Variants in YIF1B observed in about 807,000 individuals in gnomAD.
The protein encoded by YIF1B is Yip1 interacting factor homolog B, membrane trafficking protein, also known as protein YIF1B.
YIF1B carries 24 observed loss-of-function variants against 34.6 expected under a neutral mutation model. The observed-to-expected ratio is 0.69, with a 90% CI of 0.50 to 0.98. The LOEUF (loss-of-function observed/expected upper bound fraction) is 0.98. Among genes scored for constraint, YIF1B ranks in the 50% least tolerant of loss-of-function variants. YIF1B has a pLI of 0.00. For missense variants in YIF1B, 368 were observed against 429.4 expected, an observed-to-expected ratio of 0.86 and a Z score of 1.26; for synonymous variants, 186 against 184.8, an observed-to-expected ratio of 1.01 and a Z score of -0.05.
At chr19:38,318,193 C>CA (rs35748833), upstream of YIF1B, among the ~76,000 whole-genome samples, 8,522 of 29,758 alleles carry the variant, frequency 0.29, 2,543 homozygotes, top group Non-Finnish European at 0.36. Context: ...ACTCTTGTCT[C>CA]AAAAAAAAAA....
chr19:38,309,451 T>C lies in YIF1B; in HGVS notation c.251A>G (p.Tyr84Cys), dbSNP rs780952442. 4 of 1,613,852 alleles carry C rather than the reference T, an allele frequency of 2.5e-6. No individual in the cohort carries two copies. The African/African-American group carries it at 4.0e-5, about 16-fold the overall frequency. Reference sequence around the variant, plus strand: ...GCCCTGCGCGGCCAGGCTGCTCCCATAGGCCATGGCCATGTTGGACACCGG... The same window carrying C: ...GCCCTGCGCGGCCAGGCTGCTCCCACAGGCCATGGCCATGTTGGACACCGG... ...ADPVSNMAMA[Y>C]GSSLAAQGKE... The change falls in exon 2 of 8, where the codon TAT (tyrosine) becomes TGT (cysteine). Residue 84 changes from tyrosine to cysteine, a missense_variant. Around this residue, in one of 3 missense-constraint regions of YIF1B, gnomAD observed 153 missense variants for 156.7 expected, o/e 0.98. Coordinates refer to ENST00000339413, the MANE Select transcript of YIF1B (RefSeq NM_001039672.3).
chr19:38,305,348 G>A lies in YIF1B; in HGVS notation c.*4C>T, dbSNP rs959546742. 1.0e-5 allele frequency: 16 copies of A among 1,599,966 alleles called. No homozygotes were observed. The highest frequency in any genetic ancestry group is 3.3e-5 in the South Asian group (3 of 90,662). On this transcript the variant is annotated 3_prime_UTR_variant, in exon 8 of 8. Coordinates refer to ENST00000339413, the MANE Select transcript of YIF1B (RefSeq NM_001039672.3). ...AGCAGCAGCGGGAGGTTCAGCGGGCGCGCTCACCGCACCAGGTGGAAGGTG... is the reference window on the plus strand; with the variant it reads ...AGCAGCAGCGGGAGGTTCAGCGGGCACGCTCACCGCACCAGGTGGAAGGTG...
At position 38,304,497 on chromosome 19, in the gene YIF1B, C is replaced by A. The variant is rs767896823; in HGVS notation, c.*855G>T. ...GGCAGGTCCGGGTCCAAAGGTAAGT[C>A]GCCTCATCACCGGCTGCGGAGGGGC... On this transcript the variant is annotated 3_prime_UTR_variant, in exon 8 of 8. Transcript: ENST00000339413. 44 of 1,557,376 alleles carry A rather than the reference C, an allele frequency of 2.8e-5. No individual in the cohort carries two copies. Among genetic ancestry groups the A allele is most frequent in the Non-Finnish European group, 3.6e-5 (42 of 1,150,884 alleles).
upstream of YIF1B, among the ~76,000 whole-genome samples, chr19:38,319,622 G>A (rs946743714): frequency 2.6e-5 from 4 of 152,172 alleles, no homozygotes; most frequent in African/African-American, 9.6e-5. Context: ...TTCTAACATA[G>A]AGAACCAGCC....
In YIF1B at chr19:38,309,233, G is replaced by A. The variant is rs1057388256; in HGVS notation, c.393C>T (p.Tyr131=). Residue 131 remains tyrosine (Y), a synonymous_variant, in exon 3 of 8, where the codon TAC becomes TAT. Transcript: ENST00000339413. ...CCCTGGGGGTGCTGACCTGGTGTAG[G>A]TAGGGGAAGAACAGCAGGCCCAGCT... ...GRKLGLLFFP[Y]LHQDWEVQYQ... 35 of 1,613,854 alleles carry A rather than the reference G, an allele frequency of 2.2e-5. No individual in the cohort carries two copies. Among genetic ancestry groups the A allele is most frequent in the Non-Finnish European group, 2.9e-5 (34 of 1,179,940 alleles).
chr19:38,305,663 G>A (rs574525796), intron 7 of YIF1B, among the ~76,000 whole-genome samples, 156 bp from the exon 8 acceptor site: 1 of 152,318 alleles, frequency 6.6e-6, no homozygotes, highest in African/African-American at 2.4e-5. Flanking sequence ...TGCTCCCGGG[G>A]CCTCAGTTTC....
upstream of YIF1B, chr19:38,319,763 G>A: frequency 1.7e-6 from 1 of 585,504 alleles, no homozygotes; most frequent in Non-Finnish European, 2.7e-6. Context: ...GGTTGGGCGT[G>A]CCTCAGTTTC....
intron 1 of YIF1B, among the ~76,000 whole-genome samples, chr19:38,312,105 A>AAAAAC (rs766418186): frequency 1.1e-4 from 16 of 151,896 alleles, no homozygotes; most frequent in East Asian, 1.9e-4. Flanking sequence ...TCCATCTCAA[A>AAAAAC]AAAACAAAAC....
chr19:38,304,863 AAGCAGCACGAG>A lies in YIF1B; in HGVS notation c.*478_*488del, dbSNP rs777950636. 3 of 1,613,680 alleles carry A rather than the reference AAGCAGCACGAG, an allele frequency of 1.9e-6. No homozygotes were observed. The South Asian group carries it at 3.3e-5, about 18-fold the overall frequency. ...CCCACAGTCCCACGCTGCTGGCTCC[AAGCAGCACGAG>A]AGCATCCCGGGCAAGGCCAAGAAGC... On this transcript the variant is annotated 3_prime_UTR_variant, in exon 8 of 8. Coordinates refer to ENST00000339413, the MANE Select transcript of YIF1B (RefSeq NM_001039672.3).
At chr19:38,315,418 C>T (rs1016381657) in intron 1 of YIF1B, 1 of 1,278,332 alleles carries the variant, frequency 7.8e-7, no homozygotes, top group Non-Finnish European at 9.9e-7. Context: ...ACACACAGCA[C>T]ACTCACGGAG....
At chr19:38,309,120 C>T (rs1969197098) in intron 3 of YIF1B, 63 bp from the exon 4 acceptor site, 1 of 1,562,644 alleles carries the variant, frequency 6.4e-7, no homozygotes, top group African/African-American at 1.3e-5. Context: ...TGCTACAGGC[C>T]CTCCTCCCTC....
chr19:38,314,296 G>C (rs538065290), intron 1 of YIF1B, among the ~76,000 whole-genome samples: 1 of 150,644 alleles, frequency 6.6e-6, no homozygotes, highest in African/African-American at 2.4e-5. Flanking sequence ...CCAGGTTCAA[G>C]CAATTCTTCT....
upstream of YIF1B, chr19:38,320,092 C>T (rs1969630645): frequency 8.4e-6 from 13 of 1,549,994 alleles, no homozygotes; most frequent in Non-Finnish European, 1.1e-5. Context: ...GGCGCAGCTG[C>T]TTCAGCGCAG....
At chr19:38,320,065 G>C, upstream of YIF1B, 2 of 1,522,386 alleles carry the variant, frequency 1.3e-6, no homozygotes, top group South Asian at 2.4e-5. Context: ...GCTCCGAGCC[G>C]AGCTGGAGAC....
intron 1 of YIF1B, among the ~76,000 whole-genome samples, chr19:38,314,382 A>G (rs1010644959): frequency 6.6e-5 from 10 of 151,990 alleles, no homozygotes; most frequent in Non-Finnish European, 1.3e-4. Flanking sequence ...TTTAGTAGAG[A>G]TGGGGTCTCA....
upstream of YIF1B, chr19:38,316,097 CGTAAGAGGCGGA>C: frequency 3.1e-6 from 3 of 952,692 alleles, no homozygotes; most frequent in Non-Finnish European, 4.2e-6. Flanking sequence ...CGGTGCCTTA[CGTAAGAGGCGGA>C]GACTGGGCTA....
chr19:38,315,823 GC>G (rs1969526538), intron 1 of YIF1B, 36 bp downstream of exon 1: 2 of 1,409,024 alleles, frequency 1.4e-6, no homozygotes, highest in Non-Finnish European at 9.3e-7. Context: ...GCCCCGCCAC[GC>G]CCCCGCCCGC....
At position 38,304,983 on chromosome 19, in the gene YIF1B, C is replaced by T; in HGVS notation, c.*369G>A. ...CCACTGAAGGGCCCTGGACAGGGCT[C>T]ATTAAACCTTCCTCTCTGCCTTCTG... On this transcript the variant is annotated 3_prime_UTR_variant, in exon 8 of 8. Coordinates refer to ENST00000339413, the MANE Select transcript of YIF1B (RefSeq NM_001039672.3). 1 of 1,582,368 alleles carries T rather than the reference C, an allele frequency of 6.3e-7. No homozygotes were observed. The highest frequency in any genetic ancestry group is 8.6e-7 in the Non-Finnish European group (1 of 1,164,936).
At chr19:38,305,862 G>A (rs1969000578) in intron 7 of YIF1B, among the ~76,000 whole-genome samples, 1 of 152,190 alleles carries the variant, frequency 6.6e-6, no homozygotes, top group African/African-American at 2.4e-5. Flanking sequence ...TGGCCACACG[G>A]CAATTTCTGA....
Sources: allele counts gnomAD v4.1 joint callset (sites outside exome capture counted in the v4.1 genomes callset), GRCh38; gene constraint gnomAD v4.1.1; regional missense constraint gnomAD v4.1.1; transcripts MANE v1.5; gene names NCBI Gene and HGNC (gene_info 2026-07-23, HGNC 2026-07-21).